ANKS1B: variants seen among roughly 807,000 people sequenced by gnomAD.
ANKS1B encodes ankyrin repeat and sterile alpha motif domain-containing protein 1B.
ANKS1B carries 36 observed loss-of-function variants against 148.3 expected under a neutral mutation model. The ratio of observed to expected loss-of-function variants is 0.24; its 90% CI spans 0.19 to 0.32. The LOEUF is 0.32. Among genes scored for constraint, ANKS1B ranks in the 10% least tolerant of loss-of-function variants. The probability of loss-of-function intolerance (pLI) is 1.00; values close to 1 mark genes in which losing one functional copy is unlikely to be tolerated. For synonymous variants in ANKS1B, 542 were observed against 560.8 expected (o/e 0.97, Z 0.47); for missense variants, 1,157 against 1,542.6 (o/e 0.75, Z 4.19).
intron 8 of ANKS1B, among the ~76,000 whole-genome samples, chr12:99,663,903 C>T (rs1466668668): frequency 6.6e-6 from 1 of 152,126 alleles, no homozygotes; most frequent in East Asian, 1.9e-4. Context: ...ACATATTTGA[C>T]ATCCTTTGCA....
At chr12:99,632,572 G>A (rs1334862763) in intron 9 of ANKS1B, among the ~76,000 whole-genome samples, 1 of 151,194 alleles carries the variant, frequency 6.6e-6, no homozygotes, top group Non-Finnish European at 1.5e-5. Context: ...TCAAGGCCTT[G>A]GGGACTTAAC....
chr12:99,560,348 A>G (rs2097320370), intron 9 of ANKS1B, among the ~76,000 whole-genome samples: 1 of 152,000 alleles, frequency 6.6e-6, no homozygotes, highest in African/African-American at 2.4e-5. Context: ...ACATAGCCCA[A>G]CACATTTTTC....
intron 8 of ANKS1B, among the ~76,000 whole-genome samples, chr12:99,683,846 T>C (rs558976804): frequency 4.6e-5 from 7 of 152,078 alleles, no homozygotes; most frequent in Admixed American, 1.3e-4. Flanking sequence ...TGATACATCA[T>C]ATAAACAGAA....
chr12:99,807,554 G>A (rs547655751), intron 3 of ANKS1B, among the ~76,000 whole-genome samples: 9 of 152,184 alleles, frequency 5.9e-5, no homozygotes, highest in East Asian at 1.9e-4. Context: ...TGCAATAACC[G>A]TAAATGAGGG....
At chr12:99,103,433 T>C (rs914211309) in intron 15 of ANKS1B, among the ~76,000 whole-genome samples, 2 of 152,172 alleles carry the variant, frequency 1.3e-5, no homozygotes, top group African/African-American at 4.8e-5. Flanking sequence ...CTTGGTCTCA[T>C]TTTTTCCTGC....
chr12:99,292,828 A>G (rs1470288483), intron 12 of ANKS1B, among the ~76,000 whole-genome samples: 2 of 151,484 alleles, frequency 1.3e-5, no homozygotes, highest in African/African-American at 2.4e-5. Flanking sequence ...TTAGAATGGC[A>G]ATCATTAAAA....
At chr12:98,945,395 T>C (rs1286508588) in intron 17 of ANKS1B, among the ~76,000 whole-genome samples, 1 of 151,046 alleles carries the variant, frequency 6.6e-6, no homozygotes, top group Non-Finnish European at 1.5e-5. Context: ...CTTGGGAGGC[T>C]GAGGTAGAAG....
chr12:99,927,592 T>C (rs1388360550), intron 1 of ANKS1B, among the ~76,000 whole-genome samples: 1 of 152,148 alleles, frequency 6.6e-6, no homozygotes. Context: ...GAGTTCCATG[T>C]TCTCTGGTGA....
chr12:99,968,854 G>A (rs577115352), intron 1 of ANKS1B, among the ~76,000 whole-genome samples: 48 of 152,062 alleles, frequency 3.2e-4, no homozygotes, highest in Middle Eastern at 3.4e-3. Flanking sequence ...GCACCTCCCT[G>A]CTCTCTCTCT....
At chr12:99,592,612 A>C (rs1376755308) in intron 9 of ANKS1B, among the ~76,000 whole-genome samples, 1 of 152,156 alleles carries the variant, frequency 6.6e-6, no homozygotes, top group East Asian at 1.9e-4. Context: ...GAGAAGAGAA[A>C]GAAGATGAAG....
intron 12 of ANKS1B, among the ~76,000 whole-genome samples, chr12:99,303,798 A>C (rs1263133545): frequency 1.3e-5 from 2 of 152,226 alleles, no homozygotes; most frequent in East Asian, 3.9e-4. Context: ...CTTCCCCACA[A>C]GTCCCCAGAA....
chr12:99,321,054 C>G (rs1268926847), intron 12 of ANKS1B, among the ~76,000 whole-genome samples: 2 of 152,198 alleles, frequency 1.3e-5, no homozygotes, highest in African/African-American at 4.8e-5. Flanking sequence ...CTGCCTGATA[C>G]TTCCTCTGGA....
intron 4 of ANKS1B, among the ~76,000 whole-genome samples, chr12:99,792,928 A>G (rs1210591578): frequency 6.6e-6 from 1 of 152,036 alleles, no homozygotes; most frequent in African/African-American, 2.4e-5. Context: ...AGATAATACA[A>G]TCTTATATTT....
At chr12:99,532,961 T>C (rs1370370411) in intron 9 of ANKS1B, among the ~76,000 whole-genome samples, 2 of 152,242 alleles carry the variant, frequency 1.3e-5, no homozygotes, top group Non-Finnish European at 2.9e-5. Flanking sequence ...GGTCATGTGA[T>C]GCATCTAGAT....
chr12:99,115,693 G>C (rs2061214187), intron 15 of ANKS1B, among the ~76,000 whole-genome samples: 2 of 152,142 alleles, frequency 1.3e-5, no homozygotes, highest in African/African-American at 4.8e-5. Context: ...CACTTTGGGA[G>C]GCTGAGGTGG....
intron 14 of ANKS1B, among the ~76,000 whole-genome samples, chr12:99,232,016 G>A (rs750254182): frequency 3.5e-4 from 54 of 152,156 alleles, no homozygotes; most frequent in Admixed American, 2.2e-3. Context: ...TCTCTGCTGC[G>A]GTGAGGGACT....
chr12:98,868,044 A>G (rs1262359829), intron 17 of ANKS1B, among the ~76,000 whole-genome samples: 2 of 152,188 alleles, frequency 1.3e-5, no homozygotes, highest in Admixed American at 1.3e-4. Context: ...TAAACACCAC[A>G]GTCCCAAACA....
Position 98,809,186 on chromosome 12 carries a change from C to T in ANKS1B, c.3067-1268G>A, listed in dbSNP as rs190007903. Among the ~76,000 whole-genome samples the T allele has an allele frequency of 5.4e-4, 83 of 152,316 alleles. 1 individual carries two copies. Among genetic ancestry groups the T allele is most frequent in the Admixed American group, 1.6e-3 (25 of 15,296 alleles). ...CAAAGGCACTTCCAAACACCTTTCACTTAAACCAGCTCTGCTATCCTCAGT... is the reference window on the plus strand; with the variant it reads ...CAAAGGCACTTCCAAACACCTTTCATTTAAACCAGCTCTGCTATCCTCAGT... On this transcript the variant is annotated intron_variant, in intron 19 of 26. Coordinates refer to ENST00000683438, the MANE Select transcript of ANKS1B (RefSeq NM_001352186.2).
chr12:98,773,157 A>G lies in ANKS1B; in HGVS notation c.3464T>C (p.Ile1155Thr), dbSNP rs1315365753. ...CTGGGCAGCACAGGAGATATTACGA[A>G]TTTCATGCTCAGCAATTATGTTCTG... ...TNKNIIAEHE[I>T]RNISCAAQDP... The change falls in exon 25 of 27, where the codon ATT becomes ACT. Residue 1155 changes from isoleucine (I) to threonine (T), a missense_variant. This residue lies in a region of ANKS1B where 258 missense variants were observed against 497.0 expected (regional missense o/e 0.52). Coordinates refer to ENST00000683438, the MANE Select transcript of ANKS1B (RefSeq NM_001352186.2). 1 of 1,609,592 alleles carries G rather than the reference A, an allele frequency of 6.2e-7. No homozygotes were observed. Among genetic ancestry groups the G allele is most frequent in the Non-Finnish European group, 8.5e-7 (1 of 1,178,584 alleles).
Sources: gnomAD v4.1 joint callset for allele counts (sites outside exome capture counted in the v4.1 genomes callset) on GRCh38, gnomAD v4.1.1 for gene constraint, gnomAD v4.1.1 regional missense constraint, MANE v1.5 for transcripts, NCBI Gene and HGNC (gene_info 2026-07-23, HGNC 2026-07-21) for gene names.